KLHL5: variants seen among roughly 807,000 people sequenced by gnomAD.
The protein encoded by KLHL5 is kelch like family member 5, also known as kelch-like protein 5.
In KLHL5, 48 loss-of-function variants were observed where a neutral mutation model predicts 77.7. The ratio of observed to expected loss-of-function variants is 0.62; its 90% CI spans 0.49 to 0.79. KLHL5 has a LOEUF of 0.79. KLHL5 is among the 30% of genes least tolerant of loss of function. The pLI is 0.00. For synonymous variants in KLHL5, 260 were observed against 297.0 expected (o/e 0.88, Z 1.28); for missense variants, 723 against 859.7 (o/e 0.84, Z 1.99).
intron 1 of KLHL5, among the ~76,000 whole-genome samples, chr4:39,046,107 T>C (rs1234575969): frequency 6.6e-6 from 1 of 152,016 alleles, no homozygotes; most frequent in Non-Finnish European, 1.5e-5. Context: ...TCCTATTGGC[T>C]TGTTATGACT....
upstream of KLHL5, among the ~76,000 whole-genome samples, chr4:39,059,238 TA>T (rs1717207971): frequency 6.6e-6 from 1 of 152,036 alleles, no homozygotes; most frequent in Admixed American, 6.6e-5. Context: ...TTCATATTTT[TA>T]TAAAGAAAAT....
intron 8 of KLHL5, chr4:39,112,745 C>T: frequency 2.6e-6 from 1 of 380,112 alleles, no homozygotes; most frequent in Non-Finnish European, 4.8e-6. Context: ...ATATTACAAC[C>T]AATGGTGACT....
intron 1 of KLHL5, among the ~76,000 whole-genome samples, chr4:39,052,982 A>T (rs183038954): frequency 4.1e-4 from 63 of 152,162 alleles, no homozygotes; most frequent in African/African-American, 1.4e-3. Flanking sequence ...GACCACTAAC[A>T]TCCTCATTTT....
intron 5 of KLHL5, among the ~76,000 whole-genome samples, chr4:39,094,498 A>G (rs1720878067): frequency 6.6e-6 from 1 of 151,770 alleles, no homozygotes; most frequent in Non-Finnish European, 1.5e-5. Context: ...AAAAGAACTG[A>G]ATAAATTTGT....
intron 5 of KLHL5, among the ~76,000 whole-genome samples, chr4:39,087,517 TGACTACCTCACA>T (rs138284447): frequency 0.05 from 7,558 of 152,294 alleles, 223 homozygotes; most frequent in Non-Finnish European, 0.062. Flanking sequence ...ACATCTTCCC[TGACTACCTCACA>T]GGATTATTAT....
intron 1 of KLHL5, among the ~76,000 whole-genome samples, chr4:39,051,264 A>C (rs1212230055): frequency 6.6e-6 from 1 of 152,126 alleles, no homozygotes; most frequent in Non-Finnish European, 1.5e-5. Context: ...ACTACGCGAT[A>C]ATCTCCTTTC....
chr4:39,131,318 A>C (rs1462960213), downstream of KLHL5, among the ~76,000 whole-genome samples: 4 of 152,266 alleles, frequency 2.6e-5, no homozygotes, highest in African/African-American at 9.6e-5. Flanking sequence ...AATTATACCA[A>C]ATCAGTGAGG....
rs759902377 is a variant in KLHL5, at chr4:39,062,531, T to C, written c.-122T>C. 1 of 1,609,246 alleles carries C rather than the reference T, an allele frequency of 6.2e-7. No individual in the cohort carries two copies. Among genetic ancestry groups the C allele is most frequent in the Non-Finnish European group, 8.5e-7 (1 of 1,176,234 alleles). On this transcript the variant is annotated 5_prime_UTR_variant, in exon 1 of 11. Transcript: ENST00000504108. The stretch of plus-strand genomic sequence containing the variant: ...GATATATATATGAATGTGATTTATT[T>C]TCCTTTACATATTTTTGTTGTGTAC...
In KLHL5 at chr4:39,085,156, C is replaced by T. The variant is rs142968580; in HGVS notation, c.901-1359C>T. Among the ~76,000 whole-genome samples, 136 of 152,234 alleles carry T rather than the reference C, an allele frequency of 8.9e-4. 1 individual carries two copies. In the East Asian group the frequency reaches 0.023, roughly 26 times the overall value. ...AACCTTTTGCTTGAAGCCATTCTAGCACTGAAGTTTTATTAAAATATGTTT... is the reference window on the plus strand; with the variant it reads ...AACCTTTTGCTTGAAGCCATTCTAGTACTGAAGTTTTATTAAAATATGTTT... On this transcript the variant is annotated intron_variant, in intron 4 of 10. Coordinates refer to ENST00000504108, the MANE Select transcript of KLHL5 (RefSeq NM_015990.5).
intron 9 of KLHL5, among the ~76,000 whole-genome samples, chr4:39,114,520 A>G (rs1026323042): frequency 6.6e-6 from 1 of 152,170 alleles, no homozygotes; most frequent in African/African-American, 2.4e-5. Flanking sequence ...TGCTTTCTGT[A>G]TTGGTGTTGT....
Position 39,121,142 on chromosome 4 carries a change from ATT to A in KLHL5, c.*80_*81del. Reference sequence around the variant, plus strand: ...GTATAATTATTCTATCAATGGATACATTTTTAGTAAATGTGCATTGTCACAAT... The same window carrying A: ...GTATAATTATTCTATCAATGGATACATTTAGTAAATGTGCATTGTCACAAT... On this transcript the variant is annotated 3_prime_UTR_variant, in exon 11 of 11. Transcript: ENST00000504108. The A allele has an allele frequency of 2.7e-6, 3 of 1,125,054 alleles. No homozygotes were observed. The highest frequency in any genetic ancestry group is 1.8e-5 in the Admixed American group (1 of 56,440). The allele number at this position is 1,125,054 out of a possible 1,614,324, so 69.7% of individuals were successfully genotyped here.
At chr4:39,105,661 ATG>A (rs1412275121) in intron 7 of KLHL5, among the ~76,000 whole-genome samples, 1 of 151,454 alleles carries the variant, frequency 6.6e-6, no homozygotes, top group African/African-American at 2.4e-5. Context: ...CACATATAAA[ATG>A]TGTATATGCA....
upstream of KLHL5, among the ~76,000 whole-genome samples, chr4:39,059,034 ATAATG>A (rs1193188699): frequency 6.6e-6 from 1 of 152,218 alleles, no homozygotes; most frequent in African/African-American, 2.4e-5. Flanking sequence ...TGATAATTTA[ATAATG>A]TAATGATTTT....
intron 6 of KLHL5, among the ~76,000 whole-genome samples, chr4:39,100,693 C>T (rs1323099851): frequency 2.0e-5 from 3 of 152,170 alleles, no homozygotes; most frequent in Non-Finnish European, 4.4e-5. Flanking sequence ...TTATTCTGCT[C>T]AAAAACTCCA....
chr4:39,071,829 A>G (rs1019363437), intron 1 of KLHL5, among the ~76,000 whole-genome samples: 1 of 152,214 alleles, frequency 6.6e-6, no homozygotes, highest in Non-Finnish European at 1.5e-5. Context: ...TTCCCTGTAG[A>G]CTAGAAATAT....
intron 5 of KLHL5, chr4:39,093,124 G>A: frequency 2.2e-6 from 1 of 455,920 alleles, no homozygotes; most frequent in African/African-American, 2.0e-5. Context: ...ACTGGTGAAT[G>A]GATAGATAAA....
the KLHL5 span, among the ~76,000 whole-genome samples, chr4:39,138,684 C>A: frequency 6.6e-6 from 1 of 152,082 alleles, no homozygotes; most frequent in East Asian, 1.9e-4. Context: ...ATTAATTAAT[C>A]TGTACAAGAA....
intron 10 of KLHL5, chr4:39,116,019 T>C (rs1722807564): frequency 1.0e-5 from 10 of 985,582 alleles, no homozygotes; most frequent in Admixed American, 6.1e-5. Context: ...CAAGGAGCCA[T>C]GATAAGTATG....
chr4:39,096,639 A>T, intron 5 of KLHL5, 53 bp from the exon 6 acceptor site: 5 of 1,271,504 alleles, frequency 3.9e-6, no homozygotes, highest in Non-Finnish European at 5.5e-6. Context: ...TTTTTCTGTA[A>T]ACCCTACCAT....
Sources: gnomAD v4.1 joint callset for allele counts (sites outside exome capture counted in the v4.1 genomes callset) on GRCh38, gnomAD v4.1.1 for gene constraint, MANE v1.5 for transcripts, NCBI Gene and HGNC (gene_info 2026-07-23, HGNC 2026-07-21) for gene names.